The following LRRC4C variants were observed in gnomAD, a reference collection of about 807,000 sequenced individuals.
LRRC4C encodes the protein leucine rich repeat containing 4C.
LRRC4C carries 5 observed loss-of-function variants against 33.6 expected under a neutral mutation model. The observed-to-expected ratio is 0.15, with a 90% confidence interval of 0.08 to 0.31. The LOEUF (loss-of-function observed/expected upper bound fraction) is 0.31. Among genes scored for constraint, LRRC4C ranks in the 10% least tolerant of loss-of-function variants. The pLI, the probability that LRRC4C is intolerant of heterozygous loss-of-function variation, is 1.00. For missense variants in LRRC4C, 560 were observed against 796.7 expected, an observed-to-expected ratio of 0.70 and a Z score of 3.58; for synonymous variants, 329 against 302.0, an observed-to-expected ratio of 1.09 and a Z score of -0.93.
chr11:40,206,608 A>G (rs1863176239), intron 5 of LRRC4C, among the ~76,000 whole-genome samples: 1 of 152,184 alleles, frequency 6.6e-6, no homozygotes, highest in Non-Finnish European at 1.5e-5. Flanking sequence ...ATCCCTCCTG[A>G]ATGGTGAATG....
intron 3 of LRRC4C, among the ~76,000 whole-genome samples, chr11:40,607,795 G>A (rs80078306): frequency 2.2e-4 from 33 of 152,212 alleles, no homozygotes; most frequent in East Asian, 1.7e-3. Context: ...GCCACCTGCC[G>A]ATTGCTAAGC....
intron 3 of LRRC4C, among the ~76,000 whole-genome samples, chr11:40,566,841 A>G (rs541003146): frequency 6.6e-6 from 1 of 152,152 alleles, no homozygotes; most frequent in African/African-American, 2.4e-5. Flanking sequence ...AATTTCTTTA[A>G]ATAAGAAGAA....
chr11:40,501,196 C>T (rs920358671), intron 3 of LRRC4C, among the ~76,000 whole-genome samples: 7 of 152,116 alleles, frequency 4.6e-5, no homozygotes, highest in Non-Finnish European at 1.0e-4. Context: ...TGTGGCTTTG[C>T]AGGATAAAGC....
intron 4 of LRRC4C, among the ~76,000 whole-genome samples, chr11:40,256,944 C>T (rs1371087817): frequency 2.6e-5 from 4 of 152,154 alleles, no homozygotes; most frequent in Non-Finnish European, 4.4e-5. Flanking sequence ...ATCAAGCCAT[C>T]GGGTGTTTCT....
intron 4 of LRRC4C, chr11:40,292,457 T>C (rs1173504863): frequency 6.6e-6 from 1 of 152,174 alleles, no homozygotes; most frequent in Admixed American, 6.5e-5. Flanking sequence ...GATGTATTAT[T>C]AATTTCCTCT....
At chr11:41,107,621 T>C (rs770369509) in intron 1 of LRRC4C, among the ~76,000 whole-genome samples, 5 of 152,070 alleles carry the variant, frequency 3.3e-5, no homozygotes, top group Admixed American at 1.3e-4. Context: ...CTAAGAAACA[T>C]AAGTTTACAT....
At chr11:41,051,159 G>A (rs1170109723) in intron 1 of LRRC4C, among the ~76,000 whole-genome samples, 2 of 152,066 alleles carry the variant, frequency 1.3e-5, no homozygotes, top group African/African-American at 4.8e-5. Flanking sequence ...AAATATCTAT[G>A]TTCTTAATTC....
intron 3 of LRRC4C, among the ~76,000 whole-genome samples, chr11:40,419,791 A>T (rs116138255): frequency 2.0e-5 from 3 of 152,212 alleles, no homozygotes; most frequent in Non-Finnish European, 4.4e-5. Context: ...GGCAGGTGCC[A>T]TGAAGGCCAG....
intron 1 of LRRC4C, among the ~76,000 whole-genome samples, chr11:41,062,376 T>C (rs971479343): frequency 6.6e-6 from 1 of 152,210 alleles, no homozygotes; most frequent in African/African-American, 2.4e-5. Flanking sequence ...AGTTTCCTAT[T>C]GGAGGAAATA....
At chr11:41,382,576 T>A (rs541464711) in intron 1 of LRRC4C, among the ~76,000 whole-genome samples, 1 of 152,134 alleles carries the variant, frequency 6.6e-6, no homozygotes, top group African/African-American at 2.4e-5. Flanking sequence ...AATAAGAAAA[T>A]TCAGGTGGAA....
chr11:40,253,230 T>C (rs1424899359), intron 4 of LRRC4C, among the ~76,000 whole-genome samples: 1 of 152,230 alleles, frequency 6.6e-6, no homozygotes, highest in Admixed American at 6.5e-5. Flanking sequence ...ATAAGACTTG[T>C]AAAAACAGTT....
chr11:40,976,016 T>G (rs745494365), intron 1 of LRRC4C, among the ~76,000 whole-genome samples: 4 of 152,182 alleles, frequency 2.6e-5, no homozygotes, highest in Non-Finnish European at 4.4e-5. Context: ...TAAATTTAAA[T>G]GGCAACACTG....
chr11:40,728,282 A>T (rs1459531560), intron 2 of LRRC4C, among the ~76,000 whole-genome samples: 2 of 151,848 alleles, frequency 1.3e-5, no homozygotes, highest in Admixed American at 6.6e-5. Context: ...TGACCCAGAA[A>T]CCCCATTACT....
chr11:40,192,407 C>T (rs927629110), intron 5 of LRRC4C, among the ~76,000 whole-genome samples: 6 of 152,184 alleles, frequency 3.9e-5, no homozygotes, highest in Admixed American at 6.5e-5. Flanking sequence ...CCATGAGGGA[C>T]GGTGCTATTT....
intron 5 of LRRC4C, among the ~76,000 whole-genome samples, chr11:40,162,351 T>C (rs1859224944): frequency 6.6e-6 from 1 of 152,084 alleles, no homozygotes; most frequent in Non-Finnish European, 1.5e-5. Flanking sequence ...TTAATAATTT[T>C]GACACAGAAT....
At chr11:40,708,615 T>C (rs1332897324) in intron 2 of LRRC4C, among the ~76,000 whole-genome samples, 1 of 152,172 alleles carries the variant, frequency 6.6e-6, no homozygotes, top group East Asian at 1.9e-4. Flanking sequence ...CATTTGCTGA[T>C]GAGTGCTTTA....
chr11:40,839,686 C>T (rs1367194821), intron 2 of LRRC4C, among the ~76,000 whole-genome samples: 1 of 152,062 alleles, frequency 6.6e-6, no homozygotes, highest in African/African-American at 2.4e-5. Context: ...GTCTATTAGT[C>T]CTCTACAGAT....
chr11:40,354,714 G>A (rs1424192402), intron 3 of LRRC4C, among the ~76,000 whole-genome samples: 1 of 151,988 alleles, frequency 6.6e-6, no homozygotes, highest in Admixed American at 6.6e-5. Flanking sequence ...GCTAGGCCTG[G>A]GTCTCTCCTT....
chr11:40,477,545 TA>T (rs113596921), intron 3 of LRRC4C, among the ~76,000 whole-genome samples: 19 of 148,258 alleles, frequency 1.3e-4, no homozygotes, highest in Middle Eastern at 3.4e-3. Flanking sequence ...CATTCCCTTC[TA>T]AAAAAAAAAG....
Sources: allele counts gnomAD v4.1 joint callset (sites outside exome capture counted in the v4.1 genomes callset), GRCh38; gene constraint gnomAD v4.1.1; transcripts MANE v1.5; gene names NCBI Gene and HGNC (gene_info 2026-07-23, HGNC 2026-07-21).